The following COG4 variants were observed in gnomAD, a reference collection of about 807,000 sequenced individuals.
COG4 encodes the protein conserved oligomeric Golgi complex subunit 4.
A neutral mutation model predicts 95.1 loss-of-function variants in COG4; 65 were observed. The ratio of observed to expected loss-of-function variants is 0.68; its 90% CI spans 0.56 to 0.84. The LOEUF (loss-of-function observed/expected upper bound fraction) is 0.84. Ranked by LOEUF, COG4 falls within the 40% of genes least tolerant of loss-of-function variation. The pLI, the probability that COG4 is intolerant of heterozygous loss-of-function variation, is 0.00. For synonymous variants in COG4, 421 were observed against 374.8 expected, an observed-to-expected ratio of 1.12 and a Z score of -1.42; for missense variants, 1,045 against 989.1, an observed-to-expected ratio of 1.06 and a Z score of -0.76.
At position 70,523,390 on chromosome 16, in the gene COG4, G is replaced by A; in HGVS notation, c.154C>T (p.Arg52Trp). The change falls in exon 1 of 19, where the codon CGG becomes TGG. Residue 52 changes from arginine (R) to tryptophan (W), a missense_variant. Physicochemically the swap from Arg to Trp is moderately radical, Grantham distance 101. Transcript: ENST00000323786. ...CCCCGCACCTCCTCGCCGCAGAGCC[G>A]TTCGTATACAGCCTCCAGCTCCTGC... ...ELQELEAVYERLCGEEKVVER... is the reference protein window; with the variant it reads ...ELQELEAVYEWLCGEEKVVER... 1 of 1,614,110 alleles carries A rather than the reference G, an allele frequency of 6.2e-7. No homozygotes were observed. The highest frequency in any genetic ancestry group is 8.5e-7 in the Non-Finnish European group (1 of 1,180,014).
At chr16:70,484,807 G>A (rs1346335777) in intron 13 of COG4, among the ~76,000 whole-genome samples, 1 of 152,166 alleles carries the variant, frequency 6.6e-6, no homozygotes, top group Non-Finnish European at 1.5e-5. Flanking sequence ...GCTGAGGCGA[G>A]AGGATCCCTT....
intron 3 of COG4, among the ~76,000 whole-genome samples, chr16:70,515,577 G>A (rs1020191513): frequency 6.6e-6 from 1 of 152,150 alleles, no homozygotes; most frequent in South Asian, 2.1e-4. Flanking sequence ...CCAGCTACTC[G>A]GGAGGCTGAG....
rs68141616 is a variant in COG4 at position 70,500,365 on chromosome 16, C to CTTTTT, written c.1195+588_1195+592dup. 7.3e-5 allele frequency among the ~76,000 whole-genome samples: 7 copies of CTTTTT among 96,172 alleles called. 1 individual carries two copies. Among genetic ancestry groups the CTTTTT allele is most frequent in the African/African-American group, 3.0e-4 (6 of 19,986 alleles). The allele number at this position is 96,172 out of a possible 152,430, so 63.1% of individuals were successfully genotyped here. A position where few individuals can be genotyped will look rare whatever the true frequency, so the allele number is the denominator to read the frequency against. On this transcript the variant is annotated intron_variant, in intron 9 of 18. Transcript: ENST00000323786. ...AGAGGATTCCTGTACATTATATACTCTTTTTTTTTTTTTTTTTTTTTGAGA... is the reference window on the plus strand; with the variant it reads ...AGAGGATTCCTGTACATTATATACTCTTTTTTTTTTTTTTTTTTTTTTTTTTGAGA...
rs377649699 is a variant in COG4 at position 70,509,814 on chromosome 16, T to C, written c.844+102A>G. On this transcript the variant is annotated intron_variant, in intron 6 of 18. Coordinates refer to ENST00000323786, the MANE Select transcript of COG4 (RefSeq NM_015386.3). ...ATCAATTAATACACAATAAACTACA[T>C]GATTAAATTAAAGTCATCAGGCTAG... 7.2e-6 allele frequency: 6 copies of C among 836,052 alleles called. No homozygotes were observed. In the Admixed American group the frequency reaches 7.8e-5, roughly 11 times the overall value. 51.8% of individuals were successfully genotyped at this position (836,052 alleles called of 1,614,324 possible). A position where few individuals can be genotyped will look rare whatever the true frequency, so the allele number is the denominator to read the frequency against.
chr16:70,518,747 C>A (rs865941539), intron 2 of COG4, among the ~76,000 whole-genome samples: 1 of 151,904 alleles, frequency 6.6e-6, no homozygotes, highest in Non-Finnish European at 1.5e-5. Flanking sequence ...GGAGGCCAGG[C>A]GGGCGGATCA....
intron 3 of COG4, among the ~76,000 whole-genome samples, chr16:70,514,867 C>A (rs1008647917): frequency 6.6e-6 from 1 of 151,828 alleles, no homozygotes; most frequent in Non-Finnish European, 1.5e-5. Context: ...CATGTGCCAC[C>A]ATGCCTGGCT....
chr16:70,512,249 A>C lies in COG4; in HGVS notation c.728T>G (p.Leu243Arg). 1 of 1,614,126 alleles carries C rather than the reference A, an allele frequency of 6.2e-7. No homozygotes were observed. The highest frequency in any genetic ancestry group is 8.5e-7 in the Non-Finnish European group (1 of 1,179,988). The change falls in exon 5 of 19, where the codon CTT becomes CGT. Residue 243 changes from leucine to arginine, a missense_variant. Physicochemically the swap from Leu to Arg is moderately radical, Grantham distance 102. Coordinates refer to ENST00000323786, the MANE Select transcript of COG4 (RefSeq NM_015386.3). ...AATCAGGGTCCATACCTGCTTGCAA[A>C]GGTACTCCGAGAACTTTCTTAATCC... is the stretch of plus-strand genomic sequence containing the variant. ...EEGLRKFSEYLCKQVASKAEE... is the reference protein window; with the variant it reads ...EEGLRKFSEYRCKQVASKAEE...
intron 3 of COG4, 23 bp from the exon 4 acceptor site, chr16:70,514,532 C>T (rs767428836): frequency 6.2e-7 from 1 of 1,609,776 alleles, no homozygotes. Context: ...TTGGTACTTA[C>T]AAACAATGTC....
intron 12 of COG4, among the ~76,000 whole-genome samples, chr16:70,493,057 A>G (rs2049276789): frequency 6.6e-6 from 1 of 152,182 alleles, no homozygotes; most frequent in Non-Finnish European, 1.5e-5. Context: ...TAAGGCATTC[A>G]AGGAAGGTTC....
chr16:70,501,353 T>C, intron 8 of COG4: 1 of 475,084 alleles, frequency 2.1e-6, no homozygotes, highest in Non-Finnish European at 3.9e-6. Context: ...TGTGTCTTCT[T>C]TTCTTTACTT....
At chr16:70,513,979 G>A (rs143376271) in intron 4 of COG4, among the ~76,000 whole-genome samples, 2 of 152,208 alleles carry the variant, frequency 1.3e-5, no homozygotes, top group African/African-American at 2.4e-5. Flanking sequence ...AGGCCAAGGC[G>A]GGCAGATCAC....
chr16:70,507,005 C>G (rs930006781), intron 8 of COG4, among the ~76,000 whole-genome samples: 1 of 151,806 alleles, frequency 6.6e-6, no homozygotes, highest in Non-Finnish European at 1.5e-5. Context: ...TCACTTGAGC[C>G]CAGGAGTTCG....
chr16:70,517,854 T>C (rs745517971), intron 2 of COG4, 114 bp from the exon 3 acceptor site: 8 of 725,968 alleles, frequency 1.1e-5, no homozygotes, highest in Non-Finnish European at 2.0e-5. Context: ...CCTGTAACTC[T>C]TAGCTCAGTT....
At chr16:70,497,850 A>AG (rs2151749675) in intron 10 of COG4, 87 bp downstream of exon 10, 1 of 837,492 alleles carries the variant, frequency 1.2e-6, no homozygotes, top group African/African-American at 1.7e-5. Context: ...AGCAGGACCA[A>AG]TAAATATGAC....
intron 8 of COG4, among the ~76,000 whole-genome samples, chr16:70,504,199 T>C (rs1453542633): frequency 2.6e-5 from 4 of 152,038 alleles, no homozygotes; most frequent in African/African-American, 9.7e-5. Context: ...TATTCCCAGC[T>C]CCCCCATTCC....
intron 8 of COG4, among the ~76,000 whole-genome samples, chr16:70,505,197 C>CTTT (rs767606425): frequency 5.7e-5 from 7 of 122,664 alleles, no homozygotes; most frequent in South Asian, 2.6e-4. Flanking sequence ...TTTGGATTTT[C>CTTT]TTTTTTTTTT....
chr16:70,499,807 C>G (rs774805457), intron 9 of COG4, among the ~76,000 whole-genome samples: 9 of 151,942 alleles, frequency 5.9e-5, no homozygotes, highest in Non-Finnish European at 1.0e-4. Context: ...CTGCAGACAC[C>G]CGCCACCACG....
At chr16:70,498,896 C>T (rs904066888) in intron 9 of COG4, among the ~76,000 whole-genome samples, 3 of 152,180 alleles carry the variant, frequency 2.0e-5, no homozygotes, top group Admixed American at 6.5e-5. Flanking sequence ...TACACCAGTA[C>T]TGTCCAGTAG....
Position 70,493,602 on chromosome 16 carries a change from C to T in COG4, c.1647+2664G>A, listed in dbSNP as rs1420050964. Among the ~76,000 whole-genome samples the T allele has an allele frequency of 2.6e-5, 4 of 152,008 alleles. No homozygotes were observed. The East Asian group carries it at 7.7e-4, about 29-fold the overall frequency. On this transcript the variant is annotated intron_variant, in intron 12 of 18. Transcript: ENST00000323786. ...AAGCAAGTGCAGAATGGCACAAAACCCAAAAAGGTATTTGAGAAATAGCAG... is the reference window on the plus strand; with the variant it reads ...AAGCAAGTGCAGAATGGCACAAAACTCAAAAAGGTATTTGAGAAATAGCAG...
Sources: gnomAD v4.1 joint callset for allele counts (sites outside exome capture counted in the v4.1 genomes callset) on GRCh38, gnomAD v4.1.1 for gene constraint, MANE v1.5 for transcripts, NCBI Gene and HGNC (gene_info 2026-07-23, HGNC 2026-07-21) for gene names.